Variants in SEC11A observed in about 807,000 individuals in gnomAD.
SEC11A encodes SEC11 homolog A, signal peptidase complex subunit.
Under a neutral mutation model 25.6 loss-of-function variants are expected in SEC11A, and 14 were observed. The observed-to-expected ratio is 0.55, with a 90% confidence interval of 0.36 to 0.85. The LOEUF (loss-of-function observed/expected upper bound fraction) is 0.85, where lower values mean the gene tolerates loss of function less well. Ranked by LOEUF, SEC11A falls within the 40% of genes least tolerant of loss-of-function variation. The pLI is 0.01. For synonymous variants in SEC11A, 83 were observed against 76.4 expected, an observed-to-expected ratio of 1.09 and a Z score of -0.45; for missense variants, 153 against 222.9, an observed-to-expected ratio of 0.69 and a Z score of 2.00.
intron 1 of SEC11A, among the ~76,000 whole-genome samples, chr15:84,712,774 CAT>C (rs1404398939): frequency 1.3e-5 from 2 of 152,036 alleles, no homozygotes; most frequent in African/African-American, 4.8e-5. Flanking sequence ...CCAAAGAATA[CAT>C]ACTCTATGAT....
At chr15:84,706,987 G>A (rs1029604449) in intron 1 of SEC11A, among the ~76,000 whole-genome samples, 2 of 152,006 alleles carry the variant, frequency 1.3e-5, no homozygotes, top group East Asian at 1.9e-4. Flanking sequence ...GGCCTCCCGC[G>A]GATCCTTCCA....
At chr15:84,687,118 C>A (rs1271091413) in intron 3 of SEC11A, among the ~76,000 whole-genome samples, 2 of 152,018 alleles carry the variant, frequency 1.3e-5, no homozygotes, top group African/African-American at 2.4e-5. Flanking sequence ...GTGATCCACC[C>A]ACCTCGGCCT....
chr15:84,675,030 A>G (rs751772104), intron 4 of SEC11A, among the ~76,000 whole-genome samples: 49 of 152,354 alleles, frequency 3.2e-4, no homozygotes, highest in Non-Finnish European at 6.2e-4. Context: ...CTCCATGGAC[A>G]GAGATAAGCA....
intron 4 of SEC11A, among the ~76,000 whole-genome samples, chr15:84,677,448 T>C (rs530898640): frequency 1.3e-4 from 19 of 151,710 alleles, no homozygotes; most frequent in African/African-American, 4.6e-4. Flanking sequence ...TAGCATTAAA[T>C]AGTGTGGAAT....
chr15:84,695,088 TAAAAAAAAAAAAAAAAAA>T (rs55789527), intron 1 of SEC11A, among the ~76,000 whole-genome samples: 3 of 26,910 alleles, frequency 1.1e-4, no homozygotes, highest in African/African-American at 2.4e-4. Context: ...AGACTCCATC[TAAAAAAAAAAAAAAAAAA>T]AAAAAAAAAA....
chr15:84,707,993 A>G (rs903783497), intron 1 of SEC11A, among the ~76,000 whole-genome samples: 6 of 152,062 alleles, frequency 3.9e-5, no homozygotes, highest in Admixed American at 6.6e-5. Flanking sequence ...GAATCACTTG[A>G]GGTCAGGAGT....
chr15:84,676,767 C>T (rs1224318574), intron 4 of SEC11A, among the ~76,000 whole-genome samples: 4 of 143,786 alleles, frequency 2.8e-5, no homozygotes, highest in Non-Finnish European at 4.5e-5. Flanking sequence ...GCTTGGGCAA[C>T]AAGAGCAAAA....
intron 1 of SEC11A, among the ~76,000 whole-genome samples, chr15:84,700,620 A>G (rs1444536372): frequency 8.5e-6 from 1 of 118,264 alleles, no homozygotes; most frequent in African/African-American, 3.5e-5. Flanking sequence ...AAAAAAAAAA[A>G]AAAAAAAAAA....
intron 5 of SEC11A, chr15:84,670,308 G>A: frequency 2.9e-6 from 1 of 346,838 alleles, no homozygotes; most frequent in East Asian, 6.0e-5. Context: ...AGGCTGGAGT[G>A]CAGCAGCAAC....
chr15:84,695,902 T>A (rs1013356943), intron 1 of SEC11A, among the ~76,000 whole-genome samples: 1 of 152,216 alleles, frequency 6.6e-6, no homozygotes, highest in Non-Finnish European at 1.5e-5. Context: ...ACATACTTCA[T>A]GTTTTTACAG....
Position 84,715,504 on chromosome 15 carries a change from C to T in SEC11A, c.51+521G>A, listed in dbSNP as rs190991285. Among the ~76,000 whole-genome samples, 13 of 152,258 alleles carry T rather than the reference C, an allele frequency of 8.5e-5. No individual in the cohort carries two copies. In the East Asian group the frequency reaches 2.3e-3, roughly 27 times the overall value. On this transcript the variant is annotated intron_variant, in intron 1 of 5. Coordinates refer to ENST00000268220, the MANE Select transcript of SEC11A (RefSeq NM_014300.4). ...TAGTGTAACTGTTCCAACTCGGAGC[C>T]CAGAGTGGTCCAAGTCAAAGTCGGT... is the stretch of plus-strand genomic sequence containing the variant.
chr15:84,681,027 A>G (rs1252568517), intron 3 of SEC11A, among the ~76,000 whole-genome samples, 195 bp from the exon 4 acceptor site: 1 of 152,234 alleles, frequency 6.6e-6, no homozygotes, highest in Non-Finnish European at 1.5e-5. Flanking sequence ...CAAACTAAAG[A>G]TCCAATATTA....
intron 1 of SEC11A, among the ~76,000 whole-genome samples, chr15:84,692,397 T>C (rs1266978046): frequency 6.6e-6 from 1 of 152,174 alleles, no homozygotes. Context: ...CATTTAACTC[T>C]ACCTTCTCAT....
At chr15:84,699,721 T>TGCAGTGAGCCGAGATCACACCACTG (rs1897872248) in intron 1 of SEC11A, among the ~76,000 whole-genome samples, 4 of 151,370 alleles carry the variant, frequency 2.6e-5, no homozygotes, top group African/African-American at 9.8e-5. Context: ...GCCCAGGAGT[T>TGCAGTGAGCCGAGATCACACCACTG]CAAGACCTGC....
intron 1 of SEC11A, among the ~76,000 whole-genome samples, chr15:84,701,207 C>G (rs1399759740): frequency 6.7e-6 from 1 of 149,922 alleles, no homozygotes; most frequent in Admixed American, 6.6e-5. Context: ...TGGTGGCATG[C>G]ACTTATAGTC....
At chr15:84,684,904 C>A (rs1283754047) in intron 3 of SEC11A, among the ~76,000 whole-genome samples, 3 of 152,068 alleles carry the variant, frequency 2.0e-5, no homozygotes, top group Admixed American at 2.0e-4. Flanking sequence ...GAACTCCAGC[C>A]TGGGCGAAAG....
At chr15:84,714,018 C>CTTTTTTTTTTTTTTTTTTTTTTTTTTT (rs34873142) in intron 1 of SEC11A, among the ~76,000 whole-genome samples, 1 of 100,428 alleles carries the variant, frequency 1.0e-5, no homozygotes. Flanking sequence ...CATATACCTT[C>CTTTTTTTTTTTTTTTTTTTTTTTTTTT]TTTTTTTTTT....
chr15:84,695,630 C>G (rs1897745916), intron 1 of SEC11A, among the ~76,000 whole-genome samples: 1 of 152,066 alleles, frequency 6.6e-6, no homozygotes, highest in Non-Finnish European at 1.5e-5. Flanking sequence ...GACTGTGTCT[C>G]AAAAAATAAA....
chr15:84,703,861 T>TAAG (rs1480688205), intron 1 of SEC11A, among the ~76,000 whole-genome samples: 1 of 152,166 alleles, frequency 6.6e-6, no homozygotes, highest in East Asian at 1.9e-4. Context: ...ATCACAGAAT[T>TAAG]ACCTCAGCAG....
Sources: gnomAD v4.1 joint callset for allele counts (sites outside exome capture counted in the v4.1 genomes callset) on GRCh38, gnomAD v4.1.1 for gene constraint, MANE v1.5 for transcripts, NCBI Gene and HGNC (gene_info 2026-07-23, HGNC 2026-07-21) for gene names.